The following PIGB variants were observed in gnomAD, a reference collection of about 807,000 sequenced individuals.
PIGB encodes phosphatidylinositol glycan anchor biosynthesis class B.
In PIGB, 58 loss-of-function variants were observed where a neutral mutation model predicts 68.4. That is an observed-to-expected ratio of 0.85 (90% CI 0.69 to 1.06). The LOEUF is 1.06. PIGB is among the 50% of genes least tolerant of loss of function. The pLI, the probability that PIGB is intolerant of heterozygous loss-of-function variation, is 0.00. For missense variants in PIGB, 634 were observed against 655.8 expected, an observed-to-expected ratio of 0.97 and a Z score of 0.36; for synonymous variants, 219 against 220.5, an observed-to-expected ratio of 0.99 and a Z score of 0.06.
At chr15:55,329,319 A>C (rs988251908) in intron 4 of PIGB, among the ~76,000 whole-genome samples, 1 of 151,958 alleles carries the variant, frequency 6.6e-6, no homozygotes, top group Non-Finnish European at 1.5e-5. Context: ...TCAACAAAAA[A>C]ACAGTCATAA....
In PIGB at chr15:55,337,805, G is replaced by A. The variant is rs115369970; in HGVS notation, c.795-1462G>A. On this transcript the variant is annotated intron_variant, in intron 6 of 11. Transcript: ENST00000164305. ...TCCATCAATAGAAGGAATACATACA[G>A]TGTGGTATACATAGTTACAATACAC... Among the ~76,000 whole-genome samples, 1,185 of 152,288 alleles carry A rather than the reference G, an allele frequency of 7.8e-3. 12 individuals are homozygous for A. The highest frequency in any genetic ancestry group is 0.027 in the African/African-American group (1,119 of 41,564).
At chr15:55,332,854 G>A (rs1296575527) in intron 5 of PIGB, among the ~76,000 whole-genome samples, 1 of 152,086 alleles carries the variant, frequency 6.6e-6, no homozygotes, top group Non-Finnish European at 1.5e-5. Context: ...GTTTAGAGAA[G>A]TCCTGTTAAT....
In PIGB at chr15:55,319,228, C is replaced by T. The variant is rs370757405; in HGVS notation, c.-23C>T. The T allele has an allele frequency of 6.3e-7, 1 of 1,594,448 alleles. No homozygotes were observed. The highest frequency in any genetic ancestry group is 1.3e-5 in the African/African-American group (1 of 74,638). The stretch of plus-strand genomic sequence containing the variant: ...AGCGCGCTACTGCAGCTTTCTTCCG[C>T]CTTAGGAAGGTGGCGGCCAGGGATG... On this transcript the variant is annotated 5_prime_UTR_variant, in exon 1 of 12. Transcript: ENST00000164305.
Position 55,329,763 on chromosome 15 carries a change from T to A in PIGB, c.562T>A (p.Cys188Ser). The stretch of plus-strand genomic sequence containing the variant: ...GTGCTCCTGGTTCACATGGTATTGC[T>A]GTACCAGAACCCTTACAAACACCAT... Reference protein sequence around the residue: ...QLCSWFTWYCCTRTLTNTMET... With the variant: ...QLCSWFTWYCSTRTLTNTMET... Residue 188 changes from cysteine (C) to serine (S), a missense_variant, in exon 5 of 12, where the codon TGT becomes AGT. By Grantham distance (112) the Cys-to-Ser change is moderately radical. Coordinates refer to ENST00000164305, the MANE Select transcript of PIGB (RefSeq NM_004855.5). 1.9e-6 allele frequency: 3 copies of A among 1,611,468 alleles called. No homozygotes were observed. Among genetic ancestry groups the A allele is most frequent in the Non-Finnish European group, 2.5e-6 (3 of 1,177,736 alleles).
chr15:55,334,992 T>C (rs565780885), intron 6 of PIGB, among the ~76,000 whole-genome samples: 31 of 152,344 alleles, frequency 2.0e-4, no homozygotes, highest in African/African-American at 6.7e-4. Flanking sequence ...GTGCTGGAAA[T>C]ACAGGCATGG....
At chr15:55,325,320 T>C (rs1410051590) in intron 3 of PIGB, among the ~76,000 whole-genome samples, 4 of 152,022 alleles carry the variant, frequency 2.6e-5, no homozygotes, top group Non-Finnish European at 5.9e-5. Context: ...AGTGAGACTC[T>C]GTCTCACACA....
intron 2 of PIGB, among the ~76,000 whole-genome samples, chr15:55,320,927 G>T (rs562129616): frequency 3.7e-4 from 57 of 152,134 alleles, no homozygotes; most frequent in Non-Finnish European, 6.8e-4. Context: ...TGACACAGCC[G>T]TTAGCATACA....
At chr15:55,337,246 A>G (rs959612845) in intron 6 of PIGB, among the ~76,000 whole-genome samples, 1 of 152,192 alleles carries the variant, frequency 6.6e-6, no homozygotes, top group East Asian at 1.9e-4. Context: ...TGGGACTGCA[A>G]ACTAATACAC....
At chr15:55,341,913 A>G (rs1279409793) in intron 9 of PIGB, 111 bp downstream of exon 9, 4 of 406,942 alleles carry the variant, frequency 9.8e-6, no homozygotes, top group African/African-American at 2.1e-5. Context: ...GAATTACTTA[A>G]TTACAGATTA....
chr15:55,351,114 T>C (rs1309697244), intron 10 of PIGB, among the ~76,000 whole-genome samples: 1 of 148,024 alleles, frequency 6.8e-6, no homozygotes, highest in Non-Finnish European at 1.5e-5. Flanking sequence ...TTTTTTCTTT[T>C]TTTTTTTTTT....
chr15:55,320,534 G>C (rs1225818684), intron 2 of PIGB, 124 bp downstream of exon 2: 13 of 761,150 alleles, frequency 1.7e-5, no homozygotes, highest in Non-Finnish European at 2.7e-5. Context: ...AAAATCCCTA[G>C]TGGATGCTTG....
chr15:55,322,693 G>C (rs1276709045), intron 3 of PIGB, among the ~76,000 whole-genome samples: 1 of 152,164 alleles, frequency 6.6e-6, no homozygotes, highest in African/African-American at 2.4e-5. Flanking sequence ...TTCCGTTATT[G>C]AGAAATTAGG....
chr15:55,343,239 G>A (rs902507322), intron 9 of PIGB: 2 of 151,998 alleles, frequency 1.3e-5, no homozygotes, highest in East Asian at 1.9e-4. Context: ...ACATACAAAC[G>A]CAGGCACATA....
At chr15:55,348,920 A>G (rs1350643304) in intron 9 of PIGB, among the ~76,000 whole-genome samples, 1 of 152,180 alleles carries the variant, frequency 6.6e-6, no homozygotes, top group African/African-American at 2.4e-5. Context: ...GATTGGGGTT[A>G]TTACAGATGG....
chr15:55,324,146 C>CA (rs1198427739), intron 3 of PIGB, among the ~76,000 whole-genome samples: 1 of 152,164 alleles, frequency 6.6e-6, no homozygotes, highest in African/African-American at 2.4e-5. Context: ...GTTGAGATTA[C>CA]AGGGGTGAGC....
At position 55,327,247 on chromosome 15, in the gene PIGB, T is replaced by G. The variant is rs149873303; in HGVS notation, c.418-284T>G. 1.4e-3 allele frequency among the ~76,000 whole-genome samples: 202 copies of G among 146,974 alleles called. 2 individuals carry two copies. The highest frequency in any genetic ancestry group is 4.9e-3 in the African/African-American group (194 of 39,754). On this transcript the variant is annotated intron_variant, in intron 3 of 11. Coordinates refer to ENST00000164305, the MANE Select transcript of PIGB (RefSeq NM_004855.5). ...ATATATATTTATATTTATAATATAT[T>G]TTATATATAACATATGTGTATATAT...
chr15:55,320,780 A>T (rs1012897078), intron 2 of PIGB, among the ~76,000 whole-genome samples: 2 of 152,228 alleles, frequency 1.3e-5, no homozygotes, highest in Non-Finnish European at 2.9e-5. Flanking sequence ...ACATGGAAAG[A>T]GAAACCACAG....
At chr15:55,340,481 T>C in intron 7 of PIGB, 131 bp from the exon 8 acceptor site, 2 of 527,740 alleles carry the variant, frequency 3.8e-6, no homozygotes, top group Non-Finnish European at 6.5e-6. Flanking sequence ...AAAAAATTAT[T>C]AATGTAAACT....
intron 11 of PIGB, 46 bp from the exon 12 acceptor site, chr15:55,355,240 C>G: frequency 6.7e-7 from 1 of 1,487,356 alleles, no homozygotes; most frequent in Non-Finnish European, 9.3e-7. Flanking sequence ...AAACAGTACT[C>G]AGCAAAATGT....
Sources: allele counts gnomAD v4.1 joint callset (sites outside exome capture counted in the v4.1 genomes callset), GRCh38; gene constraint gnomAD v4.1.1; transcripts MANE v1.5; gene names NCBI Gene and HGNC (gene_info 2026-07-23, HGNC 2026-07-21).